The following TSC22D1 variants were observed in gnomAD, a reference collection of about 807,000 sequenced individuals.
TSC22D1 encodes TSC22 domain family protein 1.
In TSC22D1, 9 loss-of-function variants were observed where a neutral mutation model predicts 74.2. The observed-to-expected ratio is 0.12, with a 90% CI of 0.07 to 0.21. TSC22D1 has a LOEUF of 0.21. TSC22D1 is among the 10% of genes least tolerant of loss of function. TSC22D1 has a pLI of 1.00. For synonymous variants in TSC22D1, 586 were observed against 492.5 expected (o/e 1.19, Z -2.51); for missense variants, 1,427 against 1,304.7 (o/e 1.09, Z -1.44).
intron 1 of TSC22D1, among the ~76,000 whole-genome samples, chr13:44,499,838 G>T (rs988533357): frequency 6.6e-6 from 1 of 152,122 alleles, no homozygotes; most frequent in East Asian, 1.9e-4. Flanking sequence ...TGTAATCACA[G>T]CACTTTGGGA....
chr13:44,533,565 C>T (rs569401026), intron 1 of TSC22D1, among the ~76,000 whole-genome samples: 3 of 152,112 alleles, frequency 2.0e-5, no homozygotes, highest in African/African-American at 7.2e-5. Context: ...GGGTGGATCA[C>T]CTGAGGTCAG....
At chr13:44,541,987 C>A (rs577124868) in intron 1 of TSC22D1, among the ~76,000 whole-genome samples, 1 of 152,154 alleles carries the variant, frequency 6.6e-6, no homozygotes, top group African/African-American at 2.4e-5. Flanking sequence ...ACAAATTATT[C>A]TTTTTCATAT....
intron 1 of TSC22D1, among the ~76,000 whole-genome samples, chr13:44,486,384 G>A (rs1319011260): frequency 6.6e-6 from 1 of 152,050 alleles, no homozygotes; most frequent in Non-Finnish European, 1.5e-5. Flanking sequence ...TAAGCAAAAT[G>A]CATCATTAGG....
intron 1 of TSC22D1, among the ~76,000 whole-genome samples, chr13:44,533,089 G>A (rs1449426166): frequency 2.0e-5 from 3 of 152,036 alleles, no homozygotes; most frequent in Non-Finnish European, 2.9e-5. Context: ...TAAAATAAGG[G>A]TGCTAAACTA....
intron 1 of TSC22D1, among the ~76,000 whole-genome samples, chr13:44,483,630 T>C (rs1878289571): frequency 6.7e-6 from 1 of 148,216 alleles, no homozygotes; most frequent in South Asian, 2.1e-4. Context: ...ATCGCGCCAC[T>C]GCACTCCAGC....
chr13:44,483,775 C>CT (rs1220907115), intron 1 of TSC22D1, among the ~76,000 whole-genome samples: 1 of 152,038 alleles, frequency 6.6e-6, no homozygotes, highest in East Asian at 1.9e-4. Flanking sequence ...ATTCTACAGA[C>CT]TGGTCAATTA....
chr13:44,517,846 TATATATA>T (rs1566149867), intron 1 of TSC22D1, among the ~76,000 whole-genome samples: 3 of 29,012 alleles, frequency 1.0e-4, no homozygotes, highest in African/African-American at 2.3e-4. Context: ...TATATATATA[TATATATA>T]TATATTTTTT....
At chr13:44,464,805 C>G (rs971460820) in intron 1 of TSC22D1, among the ~76,000 whole-genome samples, 1 of 152,250 alleles carries the variant, frequency 6.6e-6, no homozygotes, top group Admixed American at 6.5e-5. Context: ...TCAGCTTATG[C>G]CAGGTTACCC....
At chr13:44,524,466 A>G (rs1880457333) in intron 1 of TSC22D1, among the ~76,000 whole-genome samples, 2 of 152,224 alleles carry the variant, frequency 1.3e-5, no homozygotes, top group South Asian at 4.1e-4. Context: ...ATTAATTAAG[A>G]CAGTCTAAAT....
At chr13:44,496,139 A>G (rs1566139634) in intron 1 of TSC22D1, among the ~76,000 whole-genome samples, 1 of 152,246 alleles carries the variant, frequency 6.6e-6, no homozygotes, top group Non-Finnish European at 1.5e-5. Context: ...AAAAATGTGC[A>G]AAGAATTTGA....
chr13:44,570,188 C>CTT (rs1258759696), intron 1 of TSC22D1, among the ~76,000 whole-genome samples: 43 of 132,422 alleles, frequency 3.2e-4, no homozygotes, highest in South Asian at 1.2e-3. Context: ...GACATTAAGA[C>CTT]TTTTTTTTTT....
intron 1 of TSC22D1, among the ~76,000 whole-genome samples, chr13:44,554,205 A>C (rs571226222): frequency 6.6e-6 from 1 of 152,342 alleles, no homozygotes; most frequent in South Asian, 2.1e-4. Context: ...TTACCTGCAC[A>C]TAACAGCTAT....
Position 44,433,279 on chromosome 13 carries a change from A to C in TSC22D1, c.*1347T>G, listed in dbSNP as rs1380924899. The C allele has an allele frequency of 6.6e-6, 1 of 152,248 alleles. No homozygotes were observed. The highest frequency in any genetic ancestry group is 6.5e-5 in the Admixed American group (1 of 15,284). The allele number at this position is 152,248 out of a possible 1,614,324, so 9.4% of individuals were successfully genotyped here. A position where few individuals can be genotyped will look rare whatever the true frequency, so the allele number is the denominator to read the frequency against. On this transcript the variant is annotated 3_prime_UTR_variant, in exon 3 of 3. Coordinates refer to ENST00000458659, the MANE Select transcript of TSC22D1 (RefSeq NM_183422.4). ...AACCCCTACATCCGTCCAGGAGTGAAGCAACCTGTCCAAGTCACACAGTAG... is the reference window on the plus strand; with the variant it reads ...AACCCCTACATCCGTCCAGGAGTGACGCAACCTGTCCAAGTCACACAGTAG...
intron 1 of TSC22D1, among the ~76,000 whole-genome samples, chr13:44,552,021 A>T (rs1430387215): frequency 6.6e-6 from 1 of 152,154 alleles, no homozygotes; most frequent in Non-Finnish European, 1.5e-5. Context: ...TGCATTATAC[A>T]CCTCTCTCCT....
At chr13:44,434,994 C>T in intron 2 of TSC22D1, 111 bp from the exon 3 acceptor site, 3 of 962,084 alleles carry the variant, frequency 3.1e-6, no homozygotes, top group Non-Finnish European at 4.7e-6. Context: ...CATATTCCAC[C>T]TTTAAAGTTG....
intron 1 of TSC22D1, among the ~76,000 whole-genome samples, chr13:44,513,701 C>A (rs1243225241): frequency 6.6e-6 from 1 of 152,202 alleles, no homozygotes; most frequent in South Asian, 2.1e-4. Context: ...ACCCTAACAA[C>A]AGGAGACATA....
rs1195117460 is a variant in TSC22D1 at position 44,576,298 on chromosome 13, G to C, written c.-224C>G. ...GAACAGGGCGGCCGGGGACCCGAAG[G>C]GGGGATCCCTTCAGTCCTTCGCCAT... On this transcript the variant is annotated 5_prime_UTR_variant, in exon 1 of 3. Transcript: ENST00000458659. 4 of 592,666 alleles carry C rather than the reference G, an allele frequency of 6.7e-6. No homozygotes were observed. Among genetic ancestry groups the C allele is most frequent in the Admixed American group, 6.7e-5 (2 of 29,668 alleles). 36.7% of individuals were successfully genotyped at this position (592,666 alleles called of 1,614,324 possible). A position where few individuals can be genotyped will look rare whatever the true frequency, so the allele number is the denominator to read the frequency against.
chr13:44,507,634 C>T (rs2137999367), intron 1 of TSC22D1, among the ~76,000 whole-genome samples: 1 of 152,270 alleles, frequency 6.6e-6, no homozygotes, highest in South Asian at 2.1e-4. Context: ...ACAAAATTTA[C>T]AGCTTGCTGT....
At chr13:44,518,242 C>G (rs926064553) in intron 1 of TSC22D1, among the ~76,000 whole-genome samples, 2 of 152,022 alleles carry the variant, frequency 1.3e-5, no homozygotes, top group African/African-American at 4.8e-5. Context: ...TTAAACATCT[C>G]AGAAGTGCTA....
Sources: allele counts gnomAD v4.1 joint callset (sites outside exome capture counted in the v4.1 genomes callset), GRCh38; gene constraint gnomAD v4.1.1; transcripts MANE v1.5; gene names NCBI Gene and HGNC (gene_info 2026-07-23, HGNC 2026-07-21).